TRAPPC9: variants seen among roughly 807,000 people sequenced by gnomAD.
TRAPPC9 encodes the protein IKK2 binding protein.
Under a neutral mutation model 124.0 loss-of-function variants are expected in TRAPPC9, and 83 were observed. That is an observed-to-expected ratio of 0.67 (90% confidence interval 0.56 to 0.80). The LOEUF (loss-of-function observed/expected upper bound fraction) is 0.80. TRAPPC9 is among the 30% of genes least tolerant of loss of function. The pLI is 0.00. For synonymous variants in TRAPPC9, 638 were observed against 617.5 expected (o/e 1.03, Z -0.49); for missense variants, 1,302 against 1,508.3 (o/e 0.86, Z 2.27).
intron 9 of TRAPPC9, among the ~76,000 whole-genome samples, chr8:140,328,879 G>A (rs1192190646): frequency 6.6e-6 from 1 of 152,172 alleles, no homozygotes. Context: ...GTAGAGACAA[G>A]ACTGGCACTG....
rs568598993 is a variant in TRAPPC9 at position 139,861,230 on chromosome 8, G to A, written c.3055+24649C>T. 8.5e-5 allele frequency among the ~76,000 whole-genome samples: 13 copies of A among 152,344 alleles called. No homozygotes were observed. In the South Asian group the frequency reaches 2.7e-3, roughly 32 times the overall value. Reference sequence around the variant, plus strand: ...GTGAGAGCACACCTGGACAGGGGAGGGGAACGAGTTCTTATTCCTGATGCA... The same window carrying A: ...GTGAGAGCACACCTGGACAGGGGAGAGGAACGAGTTCTTATTCCTGATGCA... On this transcript the variant is annotated intron_variant, in intron 21 of 22. Coordinates refer to ENST00000438773, the MANE Select transcript of TRAPPC9 (RefSeq NM_001160372.4).
chr8:140,184,483 T>C (rs939105736), intron 17 of TRAPPC9, among the ~76,000 whole-genome samples: 5 of 152,202 alleles, frequency 3.3e-5, no homozygotes, highest in African/African-American at 4.8e-5. Context: ...TTGCCCAGGC[T>C]GGAGTGCAGT....
chr8:140,292,033 C>T (rs1588106350), intron 11 of TRAPPC9, among the ~76,000 whole-genome samples: 1 of 152,348 alleles, frequency 6.6e-6, no homozygotes, highest in East Asian at 1.9e-4. Context: ...GAAGCCCACA[C>T]AAATCATGAG....
intron 17 of TRAPPC9, among the ~76,000 whole-genome samples, chr8:140,122,023 T>TC (rs1563777112): frequency 0.19 from 26,017 of 138,226 alleles, 2,768 homozygotes; most frequent in Admixed American, 0.28. Flanking sequence ...CTTTCTTTCT[T>TC]TCTCTCTCTC....
At chr8:140,164,034 A>G (rs1029224686) in intron 17 of TRAPPC9, among the ~76,000 whole-genome samples, 4 of 152,260 alleles carry the variant, frequency 2.6e-5, no homozygotes, top group African/African-American at 9.6e-5. Context: ...TATGCTGTGT[A>G]GCTTTTATTA....
intron 17 of TRAPPC9, among the ~76,000 whole-genome samples, chr8:140,132,057 CG>C (rs1443176923): frequency 2.0e-5 from 3 of 152,306 alleles, no homozygotes; most frequent in Middle Eastern, 3.4e-3. Flanking sequence ...CCCTGCTCTC[CG>C]GATCCTCCCT....
chr8:140,372,287 G>A (rs2068304705), intron 7 of TRAPPC9, among the ~76,000 whole-genome samples: 1 of 152,136 alleles, frequency 6.6e-6, no homozygotes, highest in Non-Finnish European at 1.5e-5. Flanking sequence ...CCTCTGCCCT[G>A]GACGATGAAT....
chr8:139,922,914 C>G (rs1220413340), intron 19 of TRAPPC9, among the ~76,000 whole-genome samples: 1 of 152,184 alleles, frequency 6.6e-6, no homozygotes, highest in Non-Finnish European at 1.5e-5. Context: ...GTCATTAAAG[C>G]AAGCAAGCAA....
chr8:140,396,538 C>T (rs538807340), intron 7 of TRAPPC9, among the ~76,000 whole-genome samples: 3 of 151,620 alleles, frequency 2.0e-5, no homozygotes, highest in African/African-American at 7.3e-5. Context: ...CTCCCTACCC[C>T]TCTCTTCCTC....
intron 7 of TRAPPC9, among the ~76,000 whole-genome samples, chr8:140,379,814 A>G (rs2068551024): frequency 6.6e-6 from 1 of 152,250 alleles, no homozygotes; most frequent in Admixed American, 6.5e-5. Context: ...TTATCTAAAT[A>G]TGACAGTAAT....
At chr8:139,738,105 C>T (rs544061743) in intron 21 of TRAPPC9, among the ~76,000 whole-genome samples, 5 of 152,326 alleles carry the variant, frequency 3.3e-5, no homozygotes, top group African/African-American at 1.2e-4. Flanking sequence ...GACCCAGGGC[C>T]TCTGGGGATG....
intron 9 of TRAPPC9, among the ~76,000 whole-genome samples, chr8:140,333,362 G>GAT (rs1297055788): frequency 1.3e-5 from 2 of 152,132 alleles, no homozygotes; most frequent in African/African-American, 4.8e-5. Flanking sequence ...TATAGATGTA[G>GAT]ATATAGATAT....
chr8:139,935,174 C>T (rs923045953), intron 19 of TRAPPC9, among the ~76,000 whole-genome samples: 1 of 152,300 alleles, frequency 6.6e-6, no homozygotes, highest in East Asian at 1.9e-4. Context: ...CTGATGTCTG[C>T]GTGCAGGACC....
chr8:139,758,013 C>T (rs1819971282), intron 21 of TRAPPC9, among the ~76,000 whole-genome samples: 1 of 152,194 alleles, frequency 6.6e-6, no homozygotes, highest in Non-Finnish European at 1.5e-5. Context: ...ACAACCATGG[C>T]CCCAGGGATT....
chr8:139,862,123 A>C (rs1828205747), intron 21 of TRAPPC9, among the ~76,000 whole-genome samples: 1 of 152,252 alleles, frequency 6.6e-6, no homozygotes, highest in Non-Finnish European at 1.5e-5. Context: ...TTACAGATTC[A>C]GAAACAGGTT....
Position 140,064,681 on chromosome 8 carries a change from T to C in TRAPPC9, c.2557-40602A>G, listed in dbSNP as rs117775263. Among the ~76,000 whole-genome samples the C allele has an allele frequency of 2.1e-3, 318 of 152,314 alleles. 12 individuals are homozygous for C. In the East Asian group the frequency reaches 0.051, roughly 24 times the overall value. On this transcript the variant is annotated intron_variant, in intron 17 of 22. Transcript: ENST00000438773. The stretch of plus-strand genomic sequence containing the variant: ...CTGTGAAGAAAAGAAAACTTCAGAT[T>C]CTTGTCCTGGGAATTGCACAAACAT...
intron 18 of TRAPPC9, among the ~76,000 whole-genome samples, chr8:140,016,229 G>A (rs1839454809): frequency 6.6e-6 from 1 of 152,168 alleles, no homozygotes; most frequent in Non-Finnish European, 1.5e-5. Context: ...GTGTATACTA[G>A]TCTGATTATT....
Position 140,275,777 on chromosome 8 carries a change from G to T in TRAPPC9, c.2159C>A (p.Thr720Asn). The T allele has an allele frequency of 6.2e-7, 1 of 1,613,278 alleles. No homozygotes were observed. Among genetic ancestry groups the T allele is most frequent in the Non-Finnish European group, 8.5e-7 (1 of 1,179,238 alleles). The stretch of plus-strand genomic sequence containing the variant: ...ATTGTAAAGCTGGACAGATACATTA[G>T]TAGATATTTCATCACCAGAAGAAGG... The part of the protein sequence containing the change: ...LQPSSGDEIS[T>N]NVSVQLYNGE... Residue 720 changes from threonine to asparagine, a missense_variant, in exon 15 of 23, where the codon ACT becomes AAT. Physicochemically the swap from Thr to Asn is moderately conservative, Grantham distance 65 (BLOSUM62 0). Around this residue, in one of 3 missense-constraint regions of TRAPPC9, gnomAD observed 640 missense variants for 679.3 expected, o/e 0.94. Transcript: ENST00000438773.
At chr8:140,390,200 G>A (rs1458591259) in intron 7 of TRAPPC9, among the ~76,000 whole-genome samples, 1 of 152,120 alleles carries the variant, frequency 6.6e-6, no homozygotes, top group Non-Finnish European at 1.5e-5. Flanking sequence ...AGCTACTTGT[G>A]AGGCTGAGGC....
Sources: gnomAD v4.1 joint callset for allele counts (sites outside exome capture counted in the v4.1 genomes callset) on GRCh38, gnomAD v4.1.1 for gene constraint, gnomAD v4.1.1 regional missense constraint, MANE v1.5 for transcripts, NCBI Gene and HGNC (gene_info 2026-07-23, HGNC 2026-07-21) for gene names.